DLC1: variants seen among roughly 807,000 people sequenced by gnomAD.
The protein encoded by DLC1 is DLC1 Rho GTPase activating protein, also known as rho GTPase-activating protein 7.
Under a neutral mutation model 140.3 loss-of-function variants are expected in DLC1, and 54 were observed. The ratio of observed to expected loss-of-function variants is 0.38; its 90% CI spans 0.31 to 0.48. The LOEUF is 0.48. Among genes scored for constraint, DLC1 ranks in the 20% least tolerant of loss-of-function variants. DLC1 has a pLI of 0.96. For missense variants in DLC1, 2,536 were observed against 1,907.0 expected, an observed-to-expected ratio of 1.33 and a Z score of -6.14; for synonymous variants, 986 against 728.1, an observed-to-expected ratio of 1.35 and a Z score of -5.70.
chr8:13,129,862 A>AT (rs1821929134), intron 5 of DLC1, among the ~76,000 whole-genome samples: 3 of 152,230 alleles, frequency 2.0e-5, no homozygotes, highest in South Asian at 2.1e-4. Context: ...TCTTCTGGCT[A>AT]TACAGGGTGA....
At chr8:13,436,724 T>C (rs531515446) in intron 2 of DLC1, among the ~76,000 whole-genome samples, 32 of 152,368 alleles carry the variant, frequency 2.1e-4, no homozygotes, top group African/African-American at 7.0e-4. Flanking sequence ...TGGTGCCATA[T>C]AAAAGATACT....
intron 1 of DLC1, among the ~76,000 whole-genome samples, chr8:13,510,875 C>A (rs999386541): frequency 6.6e-6 from 1 of 152,150 alleles, no homozygotes; most frequent in African/African-American, 2.4e-5. Flanking sequence ...CTCTTATTTT[C>A]CTTCCCCTTT....
chr8:13,366,325 G>A (rs1210281517), intron 4 of DLC1, among the ~76,000 whole-genome samples: 2 of 152,182 alleles, frequency 1.3e-5, no homozygotes, highest in African/African-American at 2.4e-5. Context: ...TCCACTACAT[G>A]CCTGGCGCTG....
chr8:13,146,881 T>C (rs1823475228), intron 5 of DLC1, among the ~76,000 whole-genome samples: 1 of 152,226 alleles, frequency 6.6e-6, no homozygotes, highest in Non-Finnish European at 1.5e-5. Context: ...TGTTTCTAAA[T>C]AATGCTTTGA....
rs181770740 is a variant in DLC1, at chr8:13,504,310, G to A, written c.-125-4114C>T. On this transcript the variant is annotated intron_variant, in intron 1 of 17. Transcript: ENST00000276297. ...CCAGGATAATTTTTTATTTTTCCTA[G>A]AGACAGTTTTCTTCATGTTGGTGAG... 7.1e-3 allele frequency among the ~76,000 whole-genome samples: 1,075 copies of A among 152,082 alleles called. 11 individuals are homozygous for A. The highest frequency in any genetic ancestry group is 0.012 in the Non-Finnish European group (788 of 67,980).
chr8:13,466,848 C>T (rs1273217717), intron 2 of DLC1, among the ~76,000 whole-genome samples: 1 of 151,878 alleles, frequency 6.6e-6, no homozygotes, highest in Non-Finnish European at 1.5e-5. Context: ...AAATTAAAGT[C>T]ATAATGAGGT....
At chr8:13,200,909 A>G (rs1827346864) in intron 5 of DLC1, among the ~76,000 whole-genome samples, 1 of 152,080 alleles carries the variant, frequency 6.6e-6, no homozygotes, top group African/African-American at 2.4e-5. Flanking sequence ...TTCAGTTTTG[A>G]TTTTACGCAT....
At chr8:13,426,721 C>T (rs982897835) in intron 2 of DLC1, among the ~76,000 whole-genome samples, 1 of 152,098 alleles carries the variant, frequency 6.6e-6, no homozygotes, top group Non-Finnish European at 1.5e-5. Context: ...TTCCATTTTT[C>T]TATGTTCTTC....
At chr8:13,577,635 T>C (rs1007241368) in intron 1 of DLC1, among the ~76,000 whole-genome samples, 2 of 152,200 alleles carry the variant, frequency 1.3e-5, no homozygotes, top group Non-Finnish European at 1.5e-5. Context: ...CAAATACTTT[T>C]ATGTTTTTGT....
chr8:13,350,706 A>C (rs1006675652), intron 4 of DLC1, among the ~76,000 whole-genome samples: 10 of 151,390 alleles, frequency 6.6e-5, no homozygotes, highest in African/African-American at 2.5e-4. Context: ...ATGGAGCAAG[A>C]CTCGATCTTA....
At chr8:13,330,853 C>T (rs997021322) in intron 4 of DLC1, among the ~76,000 whole-genome samples, 7 of 152,222 alleles carry the variant, frequency 4.6e-5, no homozygotes, top group Admixed American at 3.9e-4. Context: ...CCTTACAAGG[C>T]TCATTTTCAT....
chr8:13,561,004 A>G (rs7840294), intron 1 of DLC1, among the ~76,000 whole-genome samples: 53,721 of 152,064 alleles, frequency 0.35, 9,634 homozygotes, highest in Non-Finnish European at 0.38. Flanking sequence ...GTTGGTTAAA[A>G]TGGGGACATT....
chr8:13,291,095 G>C (rs182364542), intron 5 of DLC1, among the ~76,000 whole-genome samples: 80 of 152,238 alleles, frequency 5.3e-4, no homozygotes, highest in African/African-American at 1.8e-3. Flanking sequence ...TTTTAGTAGA[G>C]ACAGGGTTTC....
intron 5 of DLC1, among the ~76,000 whole-genome samples, chr8:13,121,023 G>A (rs1292176597): frequency 6.6e-6 from 1 of 152,126 alleles, no homozygotes; most frequent in East Asian, 1.9e-4. Flanking sequence ...GGAACTTTTG[G>A]ATTTCCTCTC....
rs146381818 is a variant in DLC1 at position 13,406,287 on chromosome 8, G to A, written c.1024-4668C>T. On this transcript the variant is annotated intron_variant, in intron 2 of 17. Transcript: ENST00000276297. ...CCCACCTCAGCCTCCTGAAGTGCTG[G>A]GATTACAAGTGTGAGCCACTGCGCC... 8.2e-3 allele frequency among the ~76,000 whole-genome samples: 1,225 copies of A among 149,312 alleles called. 13 individuals are homozygous for A. The highest frequency in any genetic ancestry group is 0.062 in the Middle Eastern group (18 of 292).
intron 1 of DLC1, chr8:13,566,769 C>A (rs62493966): frequency 0.16 from 89,888 of 574,970 alleles, 8,717 homozygotes; most frequent in East Asian, 0.35. Flanking sequence ...GCGCAGTGGG[C>A]GCTGGGGAGC....
intron 1 of DLC1, among the ~76,000 whole-genome samples, chr8:13,561,333 G>C (rs796699579): frequency 6.6e-5 from 10 of 152,070 alleles, no homozygotes; most frequent in African/African-American, 2.4e-4. Context: ...GCCACACCTA[G>C]CTAAGTTTTT....
intron 4 of DLC1, among the ~76,000 whole-genome samples, chr8:13,327,729 T>C (rs1390849374): frequency 6.6e-6 from 1 of 152,232 alleles, no homozygotes; most frequent in Non-Finnish European, 1.5e-5. Flanking sequence ...ACTAGCGATA[T>C]TAGCAGTGAA....
chr8:13,275,346 C>G (rs910092089), intron 5 of DLC1, among the ~76,000 whole-genome samples: 13 of 152,318 alleles, frequency 8.5e-5, no homozygotes, highest in African/African-American at 3.1e-4. Context: ...TGTATTGACT[C>G]TTAGAGGCCA....
Sources: gnomAD v4.1 joint callset for allele counts (sites outside exome capture counted in the v4.1 genomes callset) on GRCh38, gnomAD v4.1.1 for gene constraint, MANE v1.5 for transcripts, NCBI Gene and HGNC (gene_info 2026-07-23, HGNC 2026-07-21) for gene names.